The following DDX59 variants were observed in gnomAD, a reference collection of about 807,000 sequenced individuals.
The protein encoded by DDX59 is probable ATP-dependent RNA helicase DDX59.
DDX59 carries 30 observed loss-of-function variants against 51.9 expected under a neutral mutation model. The observed-to-expected ratio is 0.58, with a 90% CI of 0.43 to 0.78. DDX59 has a LOEUF of 0.78. Among genes scored for constraint, DDX59 ranks in the 30% least tolerant of loss-of-function variants. The probability of loss-of-function intolerance (pLI) is 0.00; values close to 1 mark genes in which losing one functional copy is unlikely to be tolerated. For missense variants in DDX59, 672 were observed against 730.8 expected (o/e 0.92, Z 0.93); for synonymous variants, 255 against 253.3 (o/e 1.01, Z -0.06).
intron 7 of DDX59, among the ~76,000 whole-genome samples, chr1:200,645,513 GT>G (rs1661241908): frequency 6.6e-6 from 1 of 152,122 alleles, no homozygotes; most frequent in African/African-American, 2.4e-5. Context: ...TCCTGACCTT[GT>G]GATCTACCTG....
At chr1:200,641,112 C>G (rs1661035387), downstream of DDX59, 8 of 1,259,906 alleles carry the variant, frequency 6.3e-6, no homozygotes, top group Non-Finnish European at 8.4e-6. Flanking sequence ...GGAAAGTCAC[C>G]TTGGATGACA....
At chr1:200,648,957 G>T in intron 6 of DDX59, 117 bp downstream of exon 6, 1 of 1,067,270 alleles carries the variant, frequency 9.4e-7, no homozygotes, top group Non-Finnish European at 1.3e-6. Context: ...TTGTTTGATG[G>T]TCTTGTAGTC....
chr1:200,663,861 C>G (rs1662534220), intron 3 of DDX59, 58 bp downstream of exon 3: 1 of 1,368,190 alleles, frequency 7.3e-7, no homozygotes, highest in African/African-American at 1.5e-5. Context: ...AAAAAAAACA[C>G]TAGTTCCTGT....
chr1:200,668,259 G>C (rs1047091501), intron 1 of DDX59, among the ~76,000 whole-genome samples: 4 of 150,986 alleles, frequency 2.6e-5, no homozygotes, highest in Admixed American at 2.6e-4. Flanking sequence ...AGTGAGCCCA[G>C]ATCGCGCCAC....
chr1:200,641,291 AT>A (rs1482549634), downstream of DDX59: 26 of 1,174,970 alleles, frequency 2.2e-5, no homozygotes, highest in African/African-American at 3.6e-4. Context: ...TTACTGGAAA[AT>A]ATGACAGGTC....
intron 7 of DDX59, among the ~76,000 whole-genome samples, chr1:200,645,339 T>C (rs868254487): frequency 1.4e-4 from 22 of 152,022 alleles, no homozygotes; most frequent in African/African-American, 5.3e-4. Flanking sequence ...AGCGCAATGG[T>C]GCAATGTCGG....
intron 4 of DDX59, among the ~76,000 whole-genome samples, chr1:200,651,688 C>T (rs1011351133): frequency 6.6e-6 from 1 of 152,156 alleles, no homozygotes; most frequent in African/African-American, 2.4e-5. Flanking sequence ...CCATGAATTA[C>T]CAAGCAAACA....
At position 200,650,491 on chromosome 1, in the gene DDX59, A is replaced by G. The variant is rs1489805866; in HGVS notation, c.1248T>C (p.Asn416=). The stretch of plus-strand genomic sequence containing the variant: ...CTACCCACAAAATAATCTGACGTAC[A>G]TTGGCACAAGGTAGGTTCTTTTCTC... ...ITGEKNLPCA[N]VRQIILWVED... is the part of the protein sequence containing the mutation. The change falls in exon 5 of 8, where the codon AAT becomes AAC. Residue 416 remains asparagine, a synonymous_variant. Coordinates refer to ENST00000331314, the MANE Select transcript of DDX59 (RefSeq NM_001031725.6). The G allele has an allele frequency of 1.2e-6, 2 of 1,613,952 alleles. No homozygotes were observed. Among genetic ancestry groups the G allele is most frequent in the Non-Finnish European group, 1.7e-6 (2 of 1,179,964 alleles).
At chr1:200,656,734 G>A (rs1485531007) in intron 4 of DDX59, among the ~76,000 whole-genome samples, 1 of 152,138 alleles carries the variant, frequency 6.6e-6, no homozygotes, top group Non-Finnish European at 1.5e-5. Context: ...CTTGTTAGTG[G>A]AAGAAAATGA....
Position 200,644,134 on chromosome 1 carries a change from A to G in DDX59, c.*120T>C. 1 of 797,812 alleles carries G rather than the reference A, an allele frequency of 1.3e-6. No homozygotes were observed. Among genetic ancestry groups the G allele is most frequent in the Non-Finnish European group, 1.6e-6 (1 of 611,480 alleles). 49.4% of individuals were successfully genotyped at this position (797,812 alleles called of 1,614,324 possible). A position where few individuals can be genotyped will look rare whatever the true frequency, so the allele number is the denominator to read the frequency against. On this transcript the variant is annotated 3_prime_UTR_variant, in exon 8 of 8. Transcript: ENST00000331314. ...AAATAAATACAATATAGTTATATAA[A>G]TTTTATTAAATTAAAAATATCTTAA...
intron 4 of DDX59, chr1:200,654,417 G>C (rs537022579): frequency 6.6e-6 from 1 of 151,872 alleles, no homozygotes; most frequent in Non-Finnish European, 1.5e-5. Flanking sequence ...AATTGCCTGA[G>C]GGGAAAAAAA....
At chr1:200,659,576 T>C (rs1053110022) in intron 3 of DDX59, among the ~76,000 whole-genome samples, 1 of 152,230 alleles carries the variant, frequency 6.6e-6, no homozygotes, top group African/African-American at 2.4e-5. Context: ...TATAAACAAG[T>C]GAAAATTCCG....
In DDX59 at chr1:200,650,562, G is replaced by C. The variant is rs141148503; in HGVS notation, c.1177C>G (p.Gln393Glu). ...VSATIPTSIE[Q>E]LASQLLHNPV... ...TTATGCAGAAGCTGGCTTGCTAGCTGTTCTATGCTAGTTGGAATTGTGGCT... is the reference window on the plus strand; with the variant it reads ...TTATGCAGAAGCTGGCTTGCTAGCTCTTCTATGCTAGTTGGAATTGTGGCT... Residue 393 changes from glutamine to glutamate, a missense_variant, in exon 5 of 8, where the codon CAG becomes GAG. Transcript: ENST00000331314. 3.1e-6 allele frequency: 5 copies of C among 1,613,962 alleles called. No individual in the cohort carries two copies. The African/African-American group carries it at 6.7e-5, about 22-fold the overall frequency.
intron 7 of DDX59, among the ~76,000 whole-genome samples, chr1:200,645,786 C>T (rs1341363049): frequency 6.6e-6 from 1 of 152,078 alleles, no homozygotes; most frequent in Non-Finnish European, 1.5e-5. Flanking sequence ...TCTGCTAATA[C>T]AGAGGGCATT....
At chr1:200,640,913 C>T (rs549332899), downstream of DDX59, 26 of 177,596 alleles carry the variant, frequency 1.5e-4, no homozygotes, top group African/African-American at 2.1e-4. Context: ...TATCATCACA[C>T]GTGCAACACA....
At position 200,663,952 on chromosome 1, in the gene DDX59, G is replaced by C. The variant is rs1397413912; in HGVS notation, c.939C>G (p.Pro313=). ...TVLLVGGLPL[P]PQLYRLQQHV... ...GTTGTTGCAGACGATAAAGCTGTGGGGGTAAGGGTAAGCCCCCTACAAGAA... is the reference window on the plus strand; with the variant it reads ...GTTGTTGCAGACGATAAAGCTGTGGCGGTAAGGGTAAGCCCCCTACAAGAA... Residue 313 remains proline (P), a synonymous_variant, in exon 3 of 8, where the codon CCC becomes CCG. Coordinates refer to ENST00000331314, the MANE Select transcript of DDX59 (RefSeq NM_001031725.6). 6.2e-7 allele frequency: 1 copy of C among 1,613,766 alleles called. No homozygotes were observed. The highest frequency in any genetic ancestry group is 1.1e-5 in the South Asian group (1 of 90,988).
intron 4 of DDX59, among the ~76,000 whole-genome samples, chr1:200,657,249 CAAAAAAAAAAA>C (rs147751957): frequency 5.2e-5 from 4 of 77,668 alleles, no homozygotes; most frequent in Non-Finnish European, 8.0e-5. Flanking sequence ...AAACTGTCTA[CAAAAAAAAAAA>C]AAAAAAAAAA....
At position 200,666,008 on chromosome 1, in the gene DDX59, C is replaced by T; in HGVS notation, c.733G>A (p.Ala245Thr). Residue 245 changes from alanine to threonine, a missense_variant, in exon 2 of 8, where the codon GCC (alanine) becomes ACC (threonine). Ala to Thr is a moderately conservative substitution (Grantham distance 58). Coordinates refer to ENST00000331314, the MANE Select transcript of DDX59 (RefSeq NM_001031725.6). ...PVGLLGRDIL[A>T]SADTGSGKTA... Reference sequence around the variant, plus strand: ...TTTCCTGAGCCAGTATCTGCACTGGCCAGAATGTCTCTTCCCAGAAGTCCC... The same window carrying T: ...TTTCCTGAGCCAGTATCTGCACTGGTCAGAATGTCTCTTCCCAGAAGTCCC... 2 of 1,614,138 alleles carry T rather than the reference C, an allele frequency of 1.2e-6. No individual in the cohort carries two copies. The highest frequency in any genetic ancestry group is 1.7e-6 in the Non-Finnish European group (2 of 1,180,026).
At chr1:200,652,252 A>T (rs1385034144) in intron 4 of DDX59, among the ~76,000 whole-genome samples, 1 of 152,124 alleles carries the variant, frequency 6.6e-6, no homozygotes, top group Admixed American at 6.5e-5. Flanking sequence ...TCCTGGGCTC[A>T]AGAGATCCTC....
Sources: allele counts gnomAD v4.1 joint callset (sites outside exome capture counted in the v4.1 genomes callset), GRCh38; gene constraint gnomAD v4.1.1; transcripts MANE v1.5; gene names NCBI Gene and HGNC (gene_info 2026-07-23, HGNC 2026-07-21).